ORC3: variants seen among roughly 807,000 people sequenced by gnomAD.
ORC3 encodes origin recognition complex subunit 3, also known as homolog of latheo, Drosophila.
A neutral mutation model predicts 100.7 loss-of-function variants in ORC3; 78 were observed. That is an observed-to-expected ratio of 0.77 (90% CI 0.65 to 0.94). ORC3 has a LOEUF of 0.94. Among genes scored for constraint, ORC3 ranks in the 40% least tolerant of loss-of-function variants. The pLI, the probability that ORC3 is intolerant of heterozygous loss-of-function variation, is 0.00. For synonymous variants in ORC3, 295 were observed against 289.3 expected (o/e 1.02, Z -0.20); for missense variants, 789 against 823.9 (o/e 0.96, Z 0.52).
At chr6:87,652,397 T>C (rs940143154) in intron 13 of ORC3, among the ~76,000 whole-genome samples, 1 of 152,214 alleles carries the variant, frequency 6.6e-6, no homozygotes, top group African/African-American at 2.4e-5. Flanking sequence ...ATCTGTATTT[T>C]CTCTCCATTT....
chr6:87,668,468 T>C (rs1770762796), downstream of ORC3, among the ~76,000 whole-genome samples: 3 of 152,240 alleles, frequency 2.0e-5, no homozygotes, highest in South Asian at 6.2e-4. Context: ...TTTGAGCATG[T>C]CAGTACGCAA....
rs368602709 is a variant in ORC3, at chr6:87,601,925, A to G, written c.177+44A>G. Reference sequence around the variant, plus strand: ...AATTTTCTGTAACACCCTAAGTCTCATTTTTGTTGCATCTCATCTTCCTTT... The same window carrying G: ...AATTTTCTGTAACACCCTAAGTCTCGTTTTTGTTGCATCTCATCTTCCTTT... On this transcript the variant is annotated intron_variant, in intron 3 of 19. Coordinates refer to ENST00000392844, the MANE Select transcript of ORC3 (RefSeq NM_012381.4). The G allele has an allele frequency of 1.3e-5, 14 of 1,089,340 alleles. No homozygotes were observed. In the East Asian group the frequency reaches 3.3e-4, roughly 26 times the overall value. 67.5% of individuals were successfully genotyped at this position (1,089,340 alleles called of 1,614,324 possible).
chr6:87,614,336 C>T (rs563343766), intron 8 of ORC3, among the ~76,000 whole-genome samples: 4 of 152,152 alleles, frequency 2.6e-5, no homozygotes, highest in South Asian at 2.1e-4. Context: ...GGGCCCAGCC[C>T]GTGAAATCGC....
At position 87,601,786 on chromosome 6, in the gene ORC3, G is replaced by T. The variant is rs1366131140; in HGVS notation, c.82G>T (p.Asp28Tyr). ...KKRKISLPIEDYFNKGKNEPE... is the reference protein window; with the variant it reads ...KKRKISLPIEYYFNKGKNEPE... ...GACTTATTTCTTTCTGTTTTTAGAG[G>T]ACTATTTTAACAAAGGGAAAAATGA... Residue 28 changes from aspartate (D) to tyrosine (Y), a missense_variant and splice_region_variant, in exon 3 of 20, where the codon GAC becomes TAC. Around this residue, in one of 3 missense-constraint regions of ORC3, gnomAD observed 399 missense variants for 382.0 expected, o/e 1.04. Transcript: ENST00000392844. 9 of 1,566,712 alleles carry T rather than the reference G, an allele frequency of 5.7e-6. No homozygotes were observed. The highest frequency in any genetic ancestry group is 1.7e-5 in the Admixed American group (1 of 59,600).
At position 87,621,534 on chromosome 6, in the gene ORC3, T is replaced by A. The variant is rs150750644; in HGVS notation, c.1121+47T>A. On this transcript the variant is annotated intron_variant, in intron 10 of 19. Coordinates refer to ENST00000392844, the MANE Select transcript of ORC3 (RefSeq NM_012381.4). ...TAACACATACTATACTAGAATTTGGTACTAAATAAGAGATCTCAGATCCAG... is the reference window on the plus strand; with the variant it reads ...TAACACATACTATACTAGAATTTGGAACTAAATAAGAGATCTCAGATCCAG... The A allele has an allele frequency of 8.2e-6, 11 of 1,334,774 alleles. No homozygotes were observed. The Admixed American group carries it at 2.8e-4, about 34-fold the overall frequency. 82.7% of individuals were successfully genotyped at this position (1,334,774 alleles called of 1,614,324 possible).
At chr6:87,598,006 AT>A (rs1777593169) in intron 2 of ORC3, among the ~76,000 whole-genome samples, 1 of 152,136 alleles carries the variant, frequency 6.6e-6, no homozygotes, top group African/African-American at 2.4e-5. Context: ...AGTTGTTAAT[AT>A]TTCTTGGATG....
chr6:87,605,619 C>T (rs1435448894), intron 4 of ORC3, among the ~76,000 whole-genome samples: 1 of 150,856 alleles, frequency 6.6e-6, no homozygotes, highest in Non-Finnish European at 1.5e-5. Context: ...TGCTGCACTC[C>T]AGCCTGGATG....
At chr6:87,656,458 G>A (rs567851449) in intron 14 of ORC3, among the ~76,000 whole-genome samples, 5 of 151,998 alleles carry the variant, frequency 3.3e-5, no homozygotes, top group Admixed American at 6.6e-5. Context: ...CATGGTGGCC[G>A]GCACCTGTAA....
At position 87,612,185 on chromosome 6, in the gene ORC3, A is replaced by G. The variant is rs367965463; in HGVS notation, c.810A>G (p.Leu270=). 2.0e-5 allele frequency: 32 copies of G among 1,613,360 alleles called. 1 individual carries two copies. Among genetic ancestry groups the G allele is most frequent in the Non-Finnish European group, 2.4e-5 (28 of 1,179,558 alleles). The change falls in exon 8 of 20, where the codon CTA becomes CTG. Residue 270 remains leucine (L), a synonymous_variant. Transcript: ENST00000392844. The part of the protein sequence containing the change: ...HRLLPHAVSS[L]LCIELFQSLS... ...TGCTTCCTCATGCAGTATCATCTCT[A>G]TTGTGCATAGAACTGTTCCAATCTT... is the stretch of plus-strand genomic sequence containing the variant.
At chr6:87,676,235 C>T in the ORC3 span, among the ~76,000 whole-genome samples, 23 of 151,678 alleles carry the variant, frequency 1.5e-4, no homozygotes, top group South Asian at 4.2e-4. Flanking sequence ...GAGGCCGAGG[C>T]GGGCGGATCA....
At chr6:87,634,076 G>C (rs1282553510) in intron 11 of ORC3, among the ~76,000 whole-genome samples, 1 of 152,022 alleles carries the variant, frequency 6.6e-6, no homozygotes, top group East Asian at 1.9e-4. Context: ...AAACTTCTAA[G>C]CTCAAGCTAT....
intron 16 of ORC3, among the ~76,000 whole-genome samples, chr6:87,658,412 G>A (rs552177074): frequency 5.4e-4 from 82 of 151,098 alleles, no homozygotes; most frequent in African/African-American, 1.8e-3. Flanking sequence ...AGCCAAGATC[G>A]TGCCACTGCA....
chr6:87,610,993 G>A (rs1318332403), intron 7 of ORC3, among the ~76,000 whole-genome samples: 2 of 138,988 alleles, frequency 1.4e-5, no homozygotes, highest in Non-Finnish European at 1.5e-5. Flanking sequence ...CTAGAGCGCA[G>A]TGACATGATC....
intron 13 of ORC3, among the ~76,000 whole-genome samples, chr6:87,640,775 C>A (rs1014810036): frequency 3.9e-5 from 6 of 152,050 alleles, no homozygotes; most frequent in South Asian, 2.1e-4. Context: ...ATTCACTGAA[C>A]CTTGCATAAA....
intron 17 of ORC3, 88 bp from the exon 18 acceptor site, chr6:87,664,655 C>A: frequency 1.0e-6 from 1 of 971,410 alleles, no homozygotes. Flanking sequence ...CTGGTTTACT[C>A]AGTTTAGGTT....
downstream of ORC3, among the ~76,000 whole-genome samples, chr6:87,669,482 T>C (rs1770787324): frequency 6.6e-6 from 1 of 152,354 alleles, no homozygotes; most frequent in East Asian, 1.9e-4. Context: ...GTACCACTAC[T>C]ACCATAGAAA....
At chr6:87,649,465 C>T (rs936013109) in intron 13 of ORC3, among the ~76,000 whole-genome samples, 6 of 152,170 alleles carry the variant, frequency 3.9e-5, no homozygotes, top group Non-Finnish European at 7.3e-5. Context: ...TTAAAATTTA[C>T]GGCCAGGCGC....
At chr6:87,649,558 A>ACCAGCCTGT (rs1382914313) in intron 13 of ORC3, among the ~76,000 whole-genome samples, 1 of 152,118 alleles carries the variant, frequency 6.6e-6, no homozygotes, top group Non-Finnish European at 1.5e-5. Flanking sequence ...GACCAGCCTG[A>ACCAGCCTGT]CCAGCATGGA....
the ORC3 span, among the ~76,000 whole-genome samples, chr6:87,676,601 A>ACG: frequency 6.0e-4 from 16 of 26,692 alleles, no homozygotes; most frequent in African/African-American, 1.2e-3. Context: ...CTAAAAACAC[A>ACG]CACACACACA....
Sources: allele counts gnomAD v4.1 joint callset (sites outside exome capture counted in the v4.1 genomes callset), GRCh38; gene constraint gnomAD v4.1.1; regional missense constraint gnomAD v4.1.1; transcripts MANE v1.5; gene names NCBI Gene and HGNC (gene_info 2026-07-23, HGNC 2026-07-21).